Variants in UNC13C observed in about 807,000 individuals in gnomAD.
UNC13C encodes the protein unc-13 homolog C.
In UNC13C, 174 loss-of-function variants were observed where a neutral mutation model predicts 245.4. The observed-to-expected ratio is 0.71, with a 90% confidence interval of 0.63 to 0.80. The LOEUF is 0.80. UNC13C is among the 30% of genes least tolerant of loss of function. The probability of loss-of-function intolerance (pLI) is 0.00; values close to 1 mark genes in which losing one functional copy is unlikely to be tolerated. For synonymous variants in UNC13C, 992 were observed against 895.1 expected, an observed-to-expected ratio of 1.11 and a Z score of -1.93; for missense variants, 2,829 against 2,602.9, an observed-to-expected ratio of 1.09 and a Z score of -1.89.
intron 4 of UNC13C, among the ~76,000 whole-genome samples, chr15:54,190,044 A>G (rs76788036): frequency 0.015 from 2,259 of 152,282 alleles, 20 homozygotes; most frequent in Admixed American, 0.026. Flanking sequence ...TTGTCCAGTG[A>G]GGGAATGCCT....
At chr15:54,343,895 A>AG (rs140569188) in intron 17 of UNC13C, among the ~76,000 whole-genome samples, 15 of 152,012 alleles carry the variant, frequency 9.9e-5, no homozygotes, top group Admixed American at 7.9e-4. Context: ...ATTTGGGGTA[A>AG]GGGGGGGTCC....
intron 17 of UNC13C, among the ~76,000 whole-genome samples, chr15:54,352,458 C>A (rs2039006408): frequency 6.6e-6 from 1 of 150,998 alleles, no homozygotes; most frequent in South Asian, 2.1e-4. Flanking sequence ...AATGGTGTTG[C>A]ATTAATGAAA....
At chr15:54,504,345 G>A (rs565866590) in intron 22 of UNC13C, among the ~76,000 whole-genome samples, 2 of 152,142 alleles carry the variant, frequency 1.3e-5, no homozygotes, top group South Asian at 4.2e-4. Flanking sequence ...AATTCATTGA[G>A]CATTATTATA....
At chr15:54,022,315 GTTTC>G (rs1290068499) in intron 2 of UNC13C, among the ~76,000 whole-genome samples, 2 of 151,590 alleles carry the variant, frequency 1.3e-5, no homozygotes, top group African/African-American at 4.8e-5. Flanking sequence ...TTTTTTGGCT[GTTTC>G]TTTTTTTTTT....
chr15:54,355,968 T>C (rs1370695800), intron 17 of UNC13C, among the ~76,000 whole-genome samples: 1 of 152,190 alleles, frequency 6.6e-6, no homozygotes, highest in Non-Finnish European at 1.5e-5. Flanking sequence ...TCACCTTTTT[T>C]ACACAAATAG....
intron 4 of UNC13C, among the ~76,000 whole-genome samples, chr15:54,223,235 T>A (rs557639529): frequency 4.8e-4 from 73 of 152,298 alleles, no homozygotes; most frequent in Non-Finnish European, 8.4e-4. Flanking sequence ...GGTCTTAGAT[T>A]TAAGTCTTTA....
intron 2 of UNC13C, among the ~76,000 whole-genome samples, chr15:54,070,756 C>A (rs1898284744): frequency 6.6e-6 from 1 of 152,102 alleles, no homozygotes; most frequent in Non-Finnish European, 1.5e-5. Flanking sequence ...ATCTACATTT[C>A]TCATGTGGCC....
intron 19 of UNC13C, among the ~76,000 whole-genome samples, chr15:54,482,963 A>G (rs1432461922): frequency 6.6e-6 from 1 of 152,226 alleles, no homozygotes; most frequent in Non-Finnish European, 1.5e-5. Context: ...TATAAAAATC[A>G]TTTGAATATT....
chr15:54,194,695 A>T (rs1471358821), intron 4 of UNC13C, among the ~76,000 whole-genome samples: 1 of 152,104 alleles, frequency 6.6e-6, no homozygotes, highest in Non-Finnish European at 1.5e-5. Flanking sequence ...TGGAGTGGGT[A>T]TGAAGTTGAA....
intron 24 of UNC13C, among the ~76,000 whole-genome samples, chr15:54,522,555 C>T (rs1228120017): frequency 6.6e-6 from 1 of 152,090 alleles, no homozygotes; most frequent in Non-Finnish European, 1.5e-5. Context: ...CAAGTTATAT[C>T]TATTACCACA....
chr15:54,235,428 T>G (rs1011364534), intron 5 of UNC13C, among the ~76,000 whole-genome samples: 1 of 152,220 alleles, frequency 6.6e-6, no homozygotes, highest in African/African-American at 2.4e-5. Flanking sequence ...GTGTTATGAA[T>G]GACCAGAAGT....
intron 19 of UNC13C, among the ~76,000 whole-genome samples, chr15:54,472,129 A>G (rs1240315261): frequency 6.6e-6 from 1 of 151,752 alleles, no homozygotes; most frequent in Non-Finnish European, 1.5e-5. Flanking sequence ...CATCTATTAT[A>G]GCCTTTTTCT....
At chr15:53,951,759 C>T in the UNC13C span, among the ~76,000 whole-genome samples, 24 of 152,224 alleles carry the variant, frequency 1.6e-4, no homozygotes, top group Admixed American at 6.5e-4. Flanking sequence ...TATAATACAG[C>T]GCTGAAATGG....
At chr15:54,046,934 G>T (rs1418556486) in intron 2 of UNC13C, among the ~76,000 whole-genome samples, 2 of 151,844 alleles carry the variant, frequency 1.3e-5, no homozygotes, top group African/African-American at 4.8e-5. Context: ...TCAGATAGGG[G>T]TAAGAGACAC....
At chr15:54,392,646 CACAA>C (rs1016742250) in intron 17 of UNC13C, among the ~76,000 whole-genome samples, 3 of 151,924 alleles carry the variant, frequency 2.0e-5, no homozygotes, top group African/African-American at 4.8e-5. Context: ...CACACGCACA[CACAA>C]ACACACACCT....
chr15:53,907,215 T>C, the UNC13C span, among the ~76,000 whole-genome samples: 1 of 152,216 alleles, frequency 6.6e-6, no homozygotes, highest in African/African-American at 2.4e-5. Flanking sequence ...TATGATAATG[T>C]TATTATTTTT....
chr15:54,172,243 A>T (rs2033426818), intron 4 of UNC13C, among the ~76,000 whole-genome samples: 1 of 152,062 alleles, frequency 6.6e-6, no homozygotes, highest in Admixed American at 6.6e-5. Context: ...TAAAATAATT[A>T]AAAGAGTATA....
intron 7 of UNC13C, among the ~76,000 whole-genome samples, chr15:54,245,738 G>A (rs549701595): frequency 5.1e-4 from 77 of 152,150 alleles, no homozygotes; most frequent in African/African-American, 1.7e-3. Context: ...ATACTTCACC[G>A]AAGAGTAGAT....
At chr15:54,503,462 A>C (rs535420769) in intron 22 of UNC13C, among the ~76,000 whole-genome samples, 3 of 148,768 alleles carry the variant, frequency 2.0e-5, no homozygotes, top group Non-Finnish European at 3.0e-5. Context: ...TTTGAGACAG[A>C]GTCTCACTCT....
Sources: gnomAD v4.1 joint callset for allele counts (sites outside exome capture counted in the v4.1 genomes callset) on GRCh38, gnomAD v4.1.1 for gene constraint, MANE v1.5 for transcripts, NCBI Gene and HGNC (gene_info 2026-07-23, HGNC 2026-07-21) for gene names.